The following MNAT1 variants were observed in gnomAD, a reference collection of about 807,000 sequenced individuals.
MNAT1 encodes CDK-activating kinase assembly factor MAT1.
Under a neutral mutation model 42.0 loss-of-function variants are expected in MNAT1, and 43 were observed. The ratio of observed to expected loss-of-function variants is 1.02; its 90% CI spans 0.80 to 1.32. The LOEUF is 1.32. MNAT1 is among the 40% of genes most tolerant of loss of function. MNAT1 has a pLI of 0.00. For missense variants in MNAT1, 306 were observed against 350.4 expected, an observed-to-expected ratio of 0.87 and a Z score of 1.01; for synonymous variants, 118 against 120.0, an observed-to-expected ratio of 0.98 and a Z score of 0.11.
intron 7 of MNAT1, among the ~76,000 whole-genome samples, chr14:60,963,485 G>A (rs118175868): frequency 3.3e-5 from 5 of 152,218 alleles, no homozygotes; most frequent in South Asian, 2.1e-4. Context: ...TTGTGTGAGC[G>A]CACTGTTGCT....
At chr14:60,924,563 G>A (rs2025966) in intron 7 of MNAT1, among the ~76,000 whole-genome samples, 151,598 of 152,242 alleles carry the variant, frequency 1, 75,485 homozygotes, top group Middle Eastern at 1. Context: ...TTTTAAAATG[G>A]AGAAACAATA....
At chr14:60,788,634 T>C (rs2031726086) in intron 1 of MNAT1, among the ~76,000 whole-genome samples, 1 of 152,194 alleles carries the variant, frequency 6.6e-6, no homozygotes, top group South Asian at 2.1e-4. Context: ...TAGATAGATA[T>C]TATGGATAAC....
intron 1 of MNAT1, among the ~76,000 whole-genome samples, chr14:60,739,971 T>C (rs1271277961): frequency 6.6e-6 from 1 of 152,144 alleles, no homozygotes; most frequent in Non-Finnish European, 1.5e-5. Context: ...CTGGCCAACA[T>C]AGTGAAACCC....
chr14:60,754,652 G>T (rs1053601057), intron 1 of MNAT1, among the ~76,000 whole-genome samples: 21 of 152,096 alleles, frequency 1.4e-4, no homozygotes, highest in African/African-American at 4.1e-4. Flanking sequence ...CCTGGCAATA[G>T]GGAGAAATTT....
chr14:60,736,249 T>A (rs1284198133), intron 1 of MNAT1, among the ~76,000 whole-genome samples: 6 of 152,082 alleles, frequency 3.9e-5, no homozygotes, highest in Admixed American at 3.9e-4. Context: ...TTTCTCTCCA[T>A]TTTTCTTTAT....
intron 7 of MNAT1, among the ~76,000 whole-genome samples, chr14:60,939,293 T>C (rs962484810): frequency 1.3e-5 from 2 of 152,220 alleles, no homozygotes; most frequent in African/African-American, 4.8e-5. Flanking sequence ...TGTTTGTCCC[T>C]TGCTTCTCTA....
chr14:60,819,953 C>T (rs995300148), intron 6 of MNAT1, among the ~76,000 whole-genome samples: 3 of 152,024 alleles, frequency 2.0e-5, no homozygotes, highest in Non-Finnish European at 2.9e-5. Flanking sequence ...TTGATAATAA[C>T]GAGTTGATAA....
intron 6 of MNAT1, among the ~76,000 whole-genome samples, chr14:60,874,645 C>A (rs1172099913): frequency 6.6e-6 from 1 of 152,044 alleles, no homozygotes; most frequent in Non-Finnish European, 1.5e-5. Context: ...TACCATTTGG[C>A]ACCCAACCAA....
At chr14:60,756,276 T>G (rs1465338995) in intron 1 of MNAT1, among the ~76,000 whole-genome samples, 1 of 152,210 alleles carries the variant, frequency 6.6e-6, no homozygotes, top group African/African-American at 2.4e-5. Context: ...ACATATGCAT[T>G]AAAGACAGAG....
intron 1 of MNAT1, among the ~76,000 whole-genome samples, chr14:60,765,299 A>C (rs1484043757): frequency 6.6e-6 from 1 of 152,124 alleles, no homozygotes; most frequent in African/African-American, 2.4e-5. Flanking sequence ...CAAACGTCTC[A>C]CTCATAAGTG....
chr14:60,908,703 T>C (rs1029864906), intron 7 of MNAT1, among the ~76,000 whole-genome samples: 4 of 152,248 alleles, frequency 2.6e-5, no homozygotes, highest in African/African-American at 9.6e-5. Context: ...GTGCCACATT[T>C]TCTTAATCCA....
chr14:60,833,989 G>T (rs1360089768), intron 6 of MNAT1, among the ~76,000 whole-genome samples: 1 of 152,086 alleles, frequency 6.6e-6, no homozygotes, highest in Non-Finnish European at 1.5e-5. Context: ...TTTTCTGATG[G>T]TAGTTTGTAT....
chr14:60,900,048 A>ATCTCTC (rs61149455), intron 7 of MNAT1, among the ~76,000 whole-genome samples: 24,033 of 136,092 alleles, frequency 0.18, 2,316 homozygotes, highest in Non-Finnish European at 0.18. Flanking sequence ...CTGTTTCCCC[A>ATCTCTC]TCTCTCTCTC....
intron 7 of MNAT1, among the ~76,000 whole-genome samples, chr14:60,953,039 A>G (rs982559222): frequency 2.0e-5 from 3 of 152,058 alleles, no homozygotes; most frequent in African/African-American, 7.2e-5. Context: ...GTTGAGGAGG[A>G]TGAGGTCCAA....
At chr14:60,870,992 A>AAT (rs970413901) in intron 6 of MNAT1, among the ~76,000 whole-genome samples, 9 of 152,208 alleles carry the variant, frequency 5.9e-5, no homozygotes, top group Admixed American at 3.9e-4. Flanking sequence ...GGAATCATGT[A>AAT]ATATATTGGT....
rs4902007 is a variant in MNAT1 at position 60,802,654 on chromosome 14, G to A, written c.316+4494G>A. ...AGATAAAGAGGATATTTTAGACATA[G>A]AATATTCAAGTGGTTGATTTGATGT... On this transcript the variant is annotated intron_variant, in intron 3 of 7. Coordinates refer to ENST00000261245, the MANE Select transcript of MNAT1 (RefSeq NM_002431.4). Among the ~76,000 whole-genome samples, 310 of 152,168 alleles carry A rather than the reference G, an allele frequency of 2.0e-3. 7 individuals carry two copies. The East Asian group carries it at 0.038, about 18-fold the overall frequency.
At chr14:60,961,859 C>G (rs2036600201) in intron 7 of MNAT1, among the ~76,000 whole-genome samples, 1 of 152,094 alleles carries the variant, frequency 6.6e-6, no homozygotes, top group South Asian at 2.1e-4. Flanking sequence ...AAAATTCTGG[C>G]ACATAGCTGT....
At chr14:60,844,683 C>G (rs1264599118) in intron 6 of MNAT1, among the ~76,000 whole-genome samples, 1 of 151,668 alleles carries the variant, frequency 6.6e-6, no homozygotes, top group Non-Finnish European at 1.5e-5. Context: ...TGTTACTTGC[C>G]CTATTGCAGT....
chr14:60,935,454 T>A (rs1250460750), intron 7 of MNAT1, among the ~76,000 whole-genome samples: 1 of 152,210 alleles, frequency 6.6e-6, no homozygotes, highest in Admixed American at 6.5e-5. Context: ...TTCTTACTGT[T>A]GCTTATTCAT....
Sources: gnomAD v4.1 joint callset for allele counts (sites outside exome capture counted in the v4.1 genomes callset) on GRCh38, gnomAD v4.1.1 for gene constraint, MANE v1.5 for transcripts, NCBI Gene and HGNC (gene_info 2026-07-23, HGNC 2026-07-21) for gene names.